The following ZMYND8 variants were observed in gnomAD, a reference collection of about 807,000 sequenced individuals.
ZMYND8 encodes MYND-type zinc finger-containing chromatin reader ZMYND8.
Under a neutral mutation model 140.8 loss-of-function variants are expected in ZMYND8, and 37 were observed. That is an observed-to-expected ratio of 0.26 (90% CI 0.20 to 0.35). The LOEUF (loss-of-function observed/expected upper bound fraction) is 0.35, where lower values mean the gene tolerates loss of function less well. Ranked by LOEUF, ZMYND8 falls within the 10% of genes least tolerant of loss-of-function variation. The probability of loss-of-function intolerance (pLI) is 1.00; values close to 1 mark genes in which losing one functional copy is unlikely to be tolerated. For missense variants in ZMYND8, 1,068 were observed against 1,570.0 expected (o/e 0.68, Z 5.40); for synonymous variants, 592 against 597.1 (o/e 0.99, Z 0.12).
intron 11 of ZMYND8, among the ~76,000 whole-genome samples, chr20:47,266,372 C>T (rs965752513): frequency 1.3e-5 from 2 of 152,116 alleles, no homozygotes; most frequent in Non-Finnish European, 2.9e-5. Context: ...CTCCACCTCC[C>T]GGGTTCAAGC....
At chr20:47,291,747 G>A (rs765179306) in intron 6 of ZMYND8, 49 bp downstream of exon 6, 2 of 1,483,098 alleles carry the variant, frequency 1.3e-6, no homozygotes, top group Non-Finnish European at 9.3e-7. Context: ...AGAGCCTTAG[G>A]CATCTCAACT....
Position 47,305,309 on chromosome 20 carries a change from C to T in ZMYND8, c.234+4747G>A, listed in dbSNP as rs2078394571. On this transcript the variant is annotated intron_variant, in intron 3 of 22. Coordinates refer to ENST00000471951, the MANE Select transcript of ZMYND8 (RefSeq NM_001281775.3). ...TCACCCAGGCTGGAGTGCAGTGGTG[C>T]GATATTGGTTCACTACAACCTCCGA... Among the ~76,000 whole-genome samples the T allele has an allele frequency of 3.3e-5, 5 of 150,896 alleles. No homozygotes were observed. In the South Asian group the frequency reaches 8.4e-4, roughly 25 times the overall value.
intron 2 of ZMYND8, among the ~76,000 whole-genome samples, chr20:47,332,032 T>C (rs2080998230): frequency 6.6e-6 from 1 of 150,630 alleles, no homozygotes; most frequent in African/African-American, 2.5e-5. Flanking sequence ...TGAAACCCCG[T>C]CTCTACTAAA....
chr20:47,271,431 G>C (rs2075939916), intron 11 of ZMYND8, among the ~76,000 whole-genome samples: 1 of 152,168 alleles, frequency 6.6e-6, no homozygotes, highest in Non-Finnish European at 1.5e-5. Context: ...CGCACCCCTT[G>C]GGTTAAGTGT....
At chr20:47,339,356 C>T (rs2081644972) in intron 2 of ZMYND8, among the ~76,000 whole-genome samples, 1 of 152,166 alleles carries the variant, frequency 6.6e-6, no homozygotes. Context: ...TTCCTAGAGG[C>T]TGCAAGTGGG....
At chr20:47,239,185 A>ACCTGCACTCACTCAC in intron 14 of ZMYND8, 47 bp from the exon 15 acceptor site, 1 of 1,484,818 alleles carries the variant, frequency 6.7e-7, no homozygotes, top group Non-Finnish European at 8.9e-7. Flanking sequence ...GATTTCACTC[A>ACCTGCACTCACTCAC]GGTTCACCTG....
intron 2 of ZMYND8, among the ~76,000 whole-genome samples, chr20:47,337,335 A>G (rs1013189582): frequency 2.0e-5 from 3 of 151,632 alleles, no homozygotes; most frequent in Admixed American, 6.6e-5. Context: ...ATGGAGGGAG[A>G]CTCTGTCTCA....
At chr20:47,347,002 T>G (rs2082389412) in intron 2 of ZMYND8, among the ~76,000 whole-genome samples, 1 of 152,168 alleles carries the variant, frequency 6.6e-6, no homozygotes, top group South Asian at 2.1e-4. Flanking sequence ...AGAATCTCCT[T>G]CCGGCAGTAT....
chr20:47,308,822 G>C (rs1219839503), intron 3 of ZMYND8, among the ~76,000 whole-genome samples: 1 of 152,086 alleles, frequency 6.6e-6, no homozygotes, highest in African/African-American at 2.4e-5. Context: ...CCTCTCACAG[G>C]CCTGGGTATT....
Position 47,298,668 on chromosome 20 carries a change from AG to A in ZMYND8, c.453+60del. On this transcript the variant is annotated intron_variant, in intron 4 of 22. Transcript: ENST00000471951. The surrounding 1 kb of genome is among the most constrained non-coding windows in gnomAD (Gnocchi z 5.0). The stretch of plus-strand genomic sequence containing the variant: ...GATTATTTGTAAATTTAAAAATAAA[AG>A]GAAGAAAGAGAAAGGAGAGGAAACG... 2 of 1,546,952 alleles carry A rather than the reference AG, an allele frequency of 1.3e-6. No individual in the cohort carries two copies. Among genetic ancestry groups the A allele is most frequent in the Non-Finnish European group, 1.7e-6 (2 of 1,143,696 alleles).
At chr20:47,334,605 A>AATAT (rs56937532) in intron 2 of ZMYND8, among the ~76,000 whole-genome samples, 1,537 of 141,680 alleles carry the variant, frequency 0.011, 16 homozygotes, top group Non-Finnish European at 0.015. Context: ...GAAAAAAAAA[A>AATAT]ATATATATAT....
intron 2 of ZMYND8, among the ~76,000 whole-genome samples, chr20:47,331,422 G>A (rs774135782): frequency 2.4e-4 from 37 of 152,194 alleles, no homozygotes; most frequent in Admixed American, 5.2e-4. Context: ...GGGTGAAGAT[G>A]TAAAATCTCT....
At chr20:47,213,241 T>G (rs1464484204) in intron 21 of ZMYND8, among the ~76,000 whole-genome samples, 1 of 152,182 alleles carries the variant, frequency 6.6e-6, no homozygotes, top group African/African-American at 2.4e-5. Flanking sequence ...TAAGCTAAAT[T>G]CTCAGCTACG....
At chr20:47,238,526 T>C (rs1372837424) in intron 15 of ZMYND8, 5 of 697,352 alleles carry the variant, frequency 7.2e-6, no homozygotes, top group Non-Finnish European at 4.8e-6. Flanking sequence ...AAGGAGAATA[T>C]ATGCATGTAT....
rs372367759 is a variant in ZMYND8 at position 47,276,408 on chromosome 20, C to T, written c.1386G>A (p.Thr462=). 27 of 1,612,850 alleles carry T rather than the reference C, an allele frequency of 1.7e-5. No individual in the cohort carries two copies. The highest frequency in any genetic ancestry group is 2.2e-5 in the Non-Finnish European group (26 of 1,179,026). The change falls in exon 11 of 23, where the codon ACG becomes ACA. Residue 462 remains threonine (T), a synonymous_variant. Coordinates refer to ENST00000471951, the MANE Select transcript of ZMYND8 (RefSeq NM_001281775.3). ...CAGCATCCTGCTCCACGTCGGAGCC[C>T]GTGTGCACAGAAGAGTTTGTGCTCA... The part of the protein sequence containing the change: ...SPMSTNSSVH[T]GSDVEQDAEK...
chr20:47,290,119 T>C (rs571374680), intron 7 of ZMYND8, 68 bp downstream of exon 7: 2 of 1,453,858 alleles, frequency 1.4e-6, no homozygotes, highest in African/African-American at 1.4e-5. Flanking sequence ...TGATTTTTCA[T>C]GAAGGACAGG....
intron 2 of ZMYND8, among the ~76,000 whole-genome samples, chr20:47,314,556 G>A (rs1245622491): frequency 6.6e-6 from 1 of 152,150 alleles, no homozygotes; most frequent in Non-Finnish European, 1.5e-5. Flanking sequence ...CAGATCTACA[G>A]AATCAGAAAC....
At chr20:47,306,167 C>T (rs78355890) in intron 3 of ZMYND8, among the ~76,000 whole-genome samples, 4,908 of 152,184 alleles carry the variant, frequency 0.032, 243 homozygotes, top group African/African-American at 0.11. Context: ...GCAGGAGAAT[C>T]ACTTCAGCCC....
rs113642578 is a variant in ZMYND8 at position 47,267,919 on chromosome 20, C to G, written c.1481-5491G>C. On this transcript the variant is annotated intron_variant, in intron 11 of 22. Coordinates refer to ENST00000471951, the MANE Select transcript of ZMYND8 (RefSeq NM_001281775.3). Reference sequence around the variant, plus strand: ...TGGTCAGGTCCCAGCTCAAACATCACCTCCTCGAAGGCCTCCCTTGTTGGC... The same window carrying G: ...TGGTCAGGTCCCAGCTCAAACATCAGCTCCTCGAAGGCCTCCCTTGTTGGC... Among the ~76,000 whole-genome samples, 876 of 152,308 alleles carry G rather than the reference C, an allele frequency of 5.8e-3. 13 individuals carry two copies. Among genetic ancestry groups the G allele is most frequent in the African/African-American group, 0.02 (821 of 41,568 alleles).
Sources: allele counts gnomAD v4.1 joint callset (sites outside exome capture counted in the v4.1 genomes callset), GRCh38; gene constraint gnomAD v4.1.1; non-coding constraint Gnocchi (gnomAD v3.1); transcripts MANE v1.5; gene names NCBI Gene and HGNC (gene_info 2026-07-23, HGNC 2026-07-21).